VCAN: variants seen among roughly 807,000 people sequenced by gnomAD.
VCAN encodes versican core protein.
A neutral mutation model predicts 245.5 loss-of-function variants in VCAN; 44 were observed. That is an observed-to-expected ratio of 0.18 (90% confidence interval 0.14 to 0.23). The LOEUF is 0.23. Among genes scored for constraint, VCAN ranks in the 10% least tolerant of loss-of-function variants. The probability of loss-of-function intolerance (pLI) is 1.00; values close to 1 mark genes in which losing one functional copy is unlikely to be tolerated. For synonymous variants in VCAN, 1,413 were observed against 1,437.0 expected, an observed-to-expected ratio of 0.98 and a Z score of 0.38; for missense variants, 3,793 against 4,057.9, an observed-to-expected ratio of 0.93 and a Z score of 1.77.
Position 83,493,619 on chromosome 5 carries a change from G to A in VCAN, c.519G>A (p.Leu173=). ...LNFEAAQKAC[L]DVGAVIATPE... is the part of the protein sequence containing the mutation. ...TTGAGGCTGCTCAGAAGGCTTGTTTGGACGTTGGGGCAGTCATAGCAACTC... is the reference window on the plus strand; with the variant it reads ...TTGAGGCTGCTCAGAAGGCTTGTTTAGACGTTGGGGCAGTCATAGCAACTC... The change falls in exon 4 of 15, where the codon TTG becomes TTA. Residue 173 remains leucine, a synonymous_variant. Transcript: ENST00000265077. The A allele has an allele frequency of 6.2e-7, 1 of 1,614,064 alleles. No homozygotes were observed. The highest frequency in any genetic ancestry group is 8.5e-7 in the Non-Finnish European group (1 of 1,180,020).
intron 7 of VCAN, among the ~76,000 whole-genome samples, chr5:83,524,557 TA>T: frequency 6.6e-6 from 1 of 151,210 alleles, no homozygotes; most frequent in African/African-American, 2.4e-5. Context: ...CCTACCTACC[TA>T]CCTACCTACC....
chr5:83,575,557 C>T (rs1748441735), intron 13 of VCAN, among the ~76,000 whole-genome samples: 1 of 152,262 alleles, frequency 6.6e-6, no homozygotes, highest in African/African-American at 2.4e-5. Context: ...CAGGGTTTCT[C>T]AACAGCAGAG....
chr5:83,540,840 AATG>A lies in VCAN; in HGVS notation c.7842_7844del (p.Asp2615del). The A allele has an allele frequency of 6.2e-7, 1 of 1,614,064 alleles. No individual in the cohort carries two copies. The highest frequency in any genetic ancestry group is 8.5e-7 in the Non-Finnish European group (1 of 1,179,986). ...ACCACATGACAGTAATGATGAAAGT[AATG>A]ATGACAGCACTCAAGTTCAAGAGAT... On this transcript the variant is annotated inframe_deletion, in exon 8 of 15. Coordinates refer to ENST00000265077, the MANE Select transcript of VCAN (RefSeq NM_004385.5).
intron 12 of VCAN, among the ~76,000 whole-genome samples, chr5:83,561,115 A>T (rs1225505500): frequency 6.6e-6 from 1 of 152,108 alleles, no homozygotes; most frequent in East Asian, 1.9e-4. Flanking sequence ...TACTTCTGTC[A>T]TCTCTACATT....
intron 12 of VCAN, among the ~76,000 whole-genome samples, chr5:83,565,856 T>C (rs1748059098): frequency 6.6e-6 from 1 of 151,858 alleles, no homozygotes; most frequent in Non-Finnish European, 1.5e-5. Flanking sequence ...TTTCTTCAAC[T>C]GAAAGTAGTA....
At position 83,521,202 on chromosome 5, in the gene VCAN, T is replaced by A; in HGVS notation, c.2896T>A (p.Tyr966Asn). The A allele has an allele frequency of 6.2e-7, 1 of 1,613,762 alleles. No homozygotes were observed. Among genetic ancestry groups the A allele is most frequent in the African/African-American group, 1.3e-5 (1 of 75,052 alleles). The change falls in exon 7 of 15, where the codon TAT (tyrosine) becomes AAT (asparagine). Residue 966 changes from tyrosine to asparagine, a missense_variant. Physicochemically the swap from Tyr to Asn is moderately radical, Grantham distance 143. Coordinates refer to ENST00000265077, the MANE Select transcript of VCAN (RefSeq NM_004385.5). ...TAGTAGCACCCAAGAGCCTACTACT[T>A]ATGTAGACTCTTCCCATACCATTCC... ...SYSSTQEPTTYVDSSHTIPLS... is the reference protein window; with the variant it reads ...SYSSTQEPTTNVDSSHTIPLS...
In VCAN at chr5:83,521,845, T is replaced by C. The variant is rs370747095; in HGVS notation, c.3539T>C (p.Leu1180Ser). Reference sequence around the variant, plus strand: ...AAAACATCCCTAGAGGATATTGATTTAGGCTCAGGATTATTTGAAAAGCCC... The same window carrying C: ...AAAACATCCCTAGAGGATATTGATTCAGGCTCAGGATTATTTGAAAAGCCC... ...TEKTSLEDIDLGSGLFEKPKA... is the reference protein window; with the variant it reads ...TEKTSLEDIDSGSGLFEKPKA... The change falls in exon 7 of 15, where the codon TTA becomes TCA. Residue 1180 changes from leucine (L) to serine (S), a missense_variant. Physicochemically the swap from Leu to Ser is moderately radical, Grantham distance 145 (BLOSUM62 -2). Coordinates refer to ENST00000265077, the MANE Select transcript of VCAN (RefSeq NM_004385.5). The C allele has an allele frequency of 1.2e-6, 2 of 1,614,050 alleles. No homozygotes were observed. The highest frequency in any genetic ancestry group is 2.7e-5 in the African/African-American group (2 of 74,928).
intron 12 of VCAN, among the ~76,000 whole-genome samples, chr5:83,568,602 T>C (rs1380996121): frequency 6.6e-6 from 1 of 152,134 alleles, no homozygotes; most frequent in Admixed American, 6.6e-5. Context: ...CAGGAGGAAG[T>C]GTCAGCTGCA....
At position 83,521,334 on chromosome 5, in the gene VCAN, A is replaced by T; in HGVS notation, c.3028A>T (p.Thr1010Ser). The T allele has an allele frequency of 6.2e-7, 1 of 1,614,082 alleles. No homozygotes were observed. The highest frequency in any genetic ancestry group is 8.5e-7 in the Non-Finnish European group (1 of 1,179,978). Residue 1010 changes from threonine (T) to serine (S), a missense_variant, in exon 7 of 15, where the codon ACT becomes TCT. By Grantham distance (58) the Thr-to-Ser change is moderately conservative (BLOSUM62 1). Transcript: ENST00000265077. The stretch of plus-strand genomic sequence containing the variant: ...TCAAGACATACTTGTCATTGATCAG[A>T]CTCGCCTTGAAGCGACTATTTCTCC... The part of the protein sequence containing the change: ...PSQDILVIDQ[T>S]RLEATISPET...
chr5:83,553,239 A>G (rs936449782), intron 10 of VCAN, 125 bp from the exon 11 acceptor site: 7 of 1,298,986 alleles, frequency 5.4e-6, no homozygotes, highest in Non-Finnish European at 6.5e-6. Context: ...ACCAAATTTT[A>G]TGAATCAGTT....
rs61754534 is a variant in VCAN, at chr5:83,537,646, C to T, written c.4643C>T (p.Ser1548Leu). The T allele has an allele frequency of 2.0e-4, 316 of 1,613,804 alleles. No individual in the cohort carries two copies. Among genetic ancestry groups the T allele is most frequent in the South Asian group, 4.8e-4 (44 of 91,078 alleles). ...EPVSLFPEES[S>L]GEIAIDQESQ... ...GTATCTCTGTTTCCTGAAGAGTCTT[C>T]AGGAGAGATTGCCATTGACCAAGAA... The change falls in exon 8 of 15, where the codon TCA (serine) becomes TTA (leucine). Residue 1548 changes from serine (S) to leucine (L), a missense_variant. Physicochemically the swap from Ser to Leu is moderately radical, Grantham distance 145 (BLOSUM62 -2). Around this residue, in one of 5 missense-constraint regions of VCAN, gnomAD observed 3,182 missense variants for 3,250.3 expected, o/e 0.98. Coordinates refer to ENST00000265077, the MANE Select transcript of VCAN (RefSeq NM_004385.5).
Position 83,521,096 on chromosome 5 carries a change from T to C in VCAN, c.2790T>C (p.Asp930=), listed in dbSNP as rs1561244823. ...MEGSALGEVE[D]VDLSKPVSTV... Reference sequence around the variant, plus strand: ...GAAGTGCTTTGGGTGAAGTAGAAGATGTGGACCTCTCTAAGCCAGTATCTA... The same window carrying C: ...GAAGTGCTTTGGGTGAAGTAGAAGACGTGGACCTCTCTAAGCCAGTATCTA... Residue 930 remains aspartate (D), a synonymous_variant, in exon 7 of 15, where the codon GAT becomes GAC. Transcript: ENST00000265077. 3 of 1,614,184 alleles carry C rather than the reference T, an allele frequency of 1.9e-6. No individual in the cohort carries two copies. The highest frequency in any genetic ancestry group is 1.1e-5 in the South Asian group (1 of 91,084).
intron 12 of VCAN, among the ~76,000 whole-genome samples, chr5:83,569,341 T>G (rs1748197413): frequency 6.6e-6 from 1 of 152,196 alleles, no homozygotes; most frequent in African/African-American, 2.4e-5. Flanking sequence ...AAGCAGGATC[T>G]TTGATTAGGT....
chr5:83,526,402 T>C (rs1746302530), intron 7 of VCAN, among the ~76,000 whole-genome samples: 2 of 152,210 alleles, frequency 1.3e-5, no homozygotes, highest in South Asian at 2.1e-4. Flanking sequence ...TCAAACAAAA[T>C]GTTATTGAGA....
At chr5:83,516,129 A>AAACCCT (rs1179376287) in intron 6 of VCAN, among the ~76,000 whole-genome samples, 4 of 152,046 alleles carry the variant, frequency 2.6e-5, no homozygotes, top group South Asian at 4.2e-4. Context: ...TCCCTAACCC[A>AAACCCT]AACCCTAACC....
chr5:83,515,958 C>T (rs1449701614), intron 6 of VCAN, among the ~76,000 whole-genome samples: 3 of 152,300 alleles, frequency 2.0e-5, no homozygotes, highest in South Asian at 2.1e-4. Flanking sequence ...ATTGGCCGGG[C>T]GCGGTCGCTC....
At chr5:83,550,056 T>TA (rs1182662850) in intron 10 of VCAN, among the ~76,000 whole-genome samples, 1 of 152,168 alleles carries the variant, frequency 6.6e-6, no homozygotes, top group Non-Finnish European at 1.5e-5. Flanking sequence ...ATACAAAATC[T>TA]AGAAAGGGCT....
At chr5:83,550,746 G>T (rs911701885) in intron 10 of VCAN, among the ~76,000 whole-genome samples, 2 of 152,122 alleles carry the variant, frequency 1.3e-5, no homozygotes, top group East Asian at 3.9e-4. Context: ...AATTAGCCGG[G>T]TGTGGTGGCG....
chr5:83,500,763 C>G (rs1745307293), intron 5 of VCAN, among the ~76,000 whole-genome samples: 2 of 152,152 alleles, frequency 1.3e-5, no homozygotes, highest in South Asian at 4.1e-4. Flanking sequence ...CCTCAAATCT[C>G]TGATATCTCA....
Sources: allele counts gnomAD v4.1 joint callset (sites outside exome capture counted in the v4.1 genomes callset), GRCh38; gene constraint gnomAD v4.1.1; regional missense constraint gnomAD v4.1.1; transcripts MANE v1.5; gene names NCBI Gene and HGNC (gene_info 2026-07-23, HGNC 2026-07-21).